The following RSRC1 variants were observed in gnomAD, a reference collection of about 807,000 sequenced individuals.
The protein encoded by RSRC1 is arginine and serine rich coiled-coil 1, also known as serine/Arginine-related protein 53.
Under a neutral mutation model 49.1 loss-of-function variants are expected in RSRC1, and 39 were observed. That is an observed-to-expected ratio of 0.79 (90% CI 0.61 to 1.04). RSRC1 has a LOEUF of 1.04. RSRC1 is among the 50% of genes least tolerant of loss of function. RSRC1 has a pLI of 0.00. For missense variants in RSRC1, 388 were observed against 402.4 expected (o/e 0.96, Z 0.31); for synonymous variants, 143 against 130.8 (o/e 1.09, Z -0.63).
At chr3:158,464,180 A>T (rs1203316535) in intron 7 of RSRC1, among the ~76,000 whole-genome samples, 1 of 152,134 alleles carries the variant, frequency 6.6e-6, no homozygotes, top group Non-Finnish European at 1.5e-5. Context: ...GTATATAATT[A>T]AAAAGCATTT....
chr3:158,328,079 T>G (rs1407931879), intron 5 of RSRC1, among the ~76,000 whole-genome samples: 3 of 152,194 alleles, frequency 2.0e-5, no homozygotes, highest in Admixed American at 2.0e-4. Flanking sequence ...GTTTTCCATT[T>G]GCTTGGTAGA....
chr3:158,410,736 T>G (rs1734419501), intron 6 of RSRC1, among the ~76,000 whole-genome samples: 1 of 152,156 alleles, frequency 6.6e-6, no homozygotes, highest in African/African-American at 2.4e-5. Context: ...AGGATTTTTT[T>G]CTGATGCTTT....
At chr3:158,293,270 C>G (rs992977827) in intron 4 of RSRC1, among the ~76,000 whole-genome samples, 1 of 151,916 alleles carries the variant, frequency 6.6e-6, no homozygotes, top group African/African-American at 2.4e-5. Flanking sequence ...ACCTTCTTTT[C>G]ATAATATATA....
At chr3:158,534,260 A>AT (rs1297678526) in intron 7 of RSRC1, among the ~76,000 whole-genome samples, 5 of 151,644 alleles carry the variant, frequency 3.3e-5, no homozygotes, top group East Asian at 3.9e-4. Context: ...TGAGACAAAG[A>AT]TTTTTTCAGA....
At chr3:158,267,510 G>T (rs1274158777) in intron 4 of RSRC1, among the ~76,000 whole-genome samples, 1 of 151,844 alleles carries the variant, frequency 6.6e-6, no homozygotes, top group Non-Finnish European at 1.5e-5. Context: ...TTGTCCTACA[G>T]ATCTCTTGAG....
At chr3:158,246,851 A>G (rs1249617204) in intron 4 of RSRC1, among the ~76,000 whole-genome samples, 1 of 151,872 alleles carries the variant, frequency 6.6e-6, no homozygotes. Context: ...TCTGATAATT[A>G]TGTCTTGGGG....
intron 6 of RSRC1, among the ~76,000 whole-genome samples, chr3:158,433,932 A>G (rs1735907952): frequency 6.6e-6 from 1 of 151,988 alleles, no homozygotes; most frequent in Non-Finnish European, 1.5e-5. Context: ...TCTCTGAAAA[A>G]TGTTAAATAA....
chr3:158,199,849 T>G (rs920109829), intron 3 of RSRC1, among the ~76,000 whole-genome samples: 1 of 152,192 alleles, frequency 6.6e-6, no homozygotes, highest in Admixed American at 6.5e-5. Flanking sequence ...AATTCTAATT[T>G]AATTCTGTTT....
chr3:158,496,275 A>C (rs532918742), intron 7 of RSRC1, among the ~76,000 whole-genome samples: 1 of 152,210 alleles, frequency 6.6e-6, no homozygotes, highest in African/African-American at 2.4e-5. Context: ...TTTAAACAGG[A>C]TAGACTAGTG....
At chr3:158,488,535 A>C (rs890332836) in intron 7 of RSRC1, among the ~76,000 whole-genome samples, 10 of 152,198 alleles carry the variant, frequency 6.6e-5, no homozygotes, top group Non-Finnish European at 7.3e-5. Flanking sequence ...TGCTGACCAT[A>C]TTGGAAATTT....
chr3:158,348,198 A>T (rs1273382973), intron 5 of RSRC1, among the ~76,000 whole-genome samples: 1 of 152,194 alleles, frequency 6.6e-6, no homozygotes, highest in Non-Finnish European at 1.5e-5. Flanking sequence ...GGCAGATGGA[A>T]TGGCTTTAAC....
At chr3:158,278,254 G>C (rs1725930974) in intron 4 of RSRC1, among the ~76,000 whole-genome samples, 2 of 152,208 alleles carry the variant, frequency 1.3e-5, no homozygotes, top group Non-Finnish European at 2.9e-5. Flanking sequence ...TTTTTACAAA[G>C]TTTTTGCTGA....
intron 3 of RSRC1, among the ~76,000 whole-genome samples, chr3:158,172,447 T>C (rs1005315527): frequency 1.3e-5 from 2 of 152,184 alleles, no homozygotes; most frequent in Non-Finnish European, 2.9e-5. Flanking sequence ...AGTGTTTCAT[T>C]TTTGTGCAAT....
At chr3:158,131,294 C>T (rs4680412) in intron 3 of RSRC1, among the ~76,000 whole-genome samples, 108,099 of 151,798 alleles carry the variant, frequency 0.71, 39,208 homozygotes, top group African/African-American at 0.83. Flanking sequence ...CCAATCACTG[C>T]TGGTTTTTGT....
intron 7 of RSRC1, among the ~76,000 whole-genome samples, chr3:158,515,397 T>C (rs1195424069): frequency 7.8e-6 from 1 of 128,806 alleles, no homozygotes; most frequent in African/African-American, 3.2e-5. Flanking sequence ...GGTTGAAAAT[T>C]CTTTTCTTTA....
intron 4 of RSRC1, among the ~76,000 whole-genome samples, chr3:158,265,813 T>A (rs1362130628): frequency 1.3e-5 from 2 of 152,156 alleles, no homozygotes; most frequent in Non-Finnish European, 2.9e-5. Context: ...TCACGAAGAT[T>A]TTCTTCTAGT....
intron 3 of RSRC1, among the ~76,000 whole-genome samples, chr3:158,150,643 A>G (rs1164899951): frequency 1.3e-5 from 2 of 152,068 alleles, no homozygotes; most frequent in Non-Finnish European, 2.9e-5. Context: ...ACTATAAGAG[A>G]GGGTTGTTCC....
chr3:158,401,460 C>G (rs1733890786), intron 6 of RSRC1, among the ~76,000 whole-genome samples: 2 of 152,104 alleles, frequency 1.3e-5, no homozygotes, highest in Admixed American at 1.3e-4. Flanking sequence ...GGAGAAACGT[C>G]TGGGTAAAAA....
chr3:158,328,726 C>T (rs1289277945), intron 5 of RSRC1, among the ~76,000 whole-genome samples: 3 of 152,112 alleles, frequency 2.0e-5, no homozygotes, highest in African/African-American at 7.2e-5. Flanking sequence ...GGAGTATGCT[C>T]TTCTCGAGGA....
Sources: allele counts gnomAD v4.1 joint callset (sites outside exome capture counted in the v4.1 genomes callset), GRCh38; gene constraint gnomAD v4.1.1; transcripts MANE v1.5; gene names NCBI Gene and HGNC (gene_info 2026-07-23, HGNC 2026-07-21).